KAT6A: variants seen among roughly 807,000 people sequenced by gnomAD.
KAT6A encodes lysine acetyltransferase 6A, also known as histone acetyltransferase KAT6A.
KAT6A carries 9 observed loss-of-function variants against 198.4 expected under a neutral mutation model. That is an observed-to-expected ratio of 0.05 (90% CI 0.03 to 0.08). The LOEUF (loss-of-function observed/expected upper bound fraction) is 0.08, where lower values mean the gene tolerates loss of function less well. Among genes scored for constraint, KAT6A ranks in the 10% least tolerant of loss-of-function variants. The pLI, the probability that KAT6A is intolerant of heterozygous loss-of-function variation, is 1.00. For synonymous variants in KAT6A, 890 were observed against 883.0 expected (o/e 1.01, Z -0.14); for missense variants, 2,077 against 2,509.9 (o/e 0.83, Z 3.69).
At chr8:42,031,132 G>C (rs989038859) in intron 2 of KAT6A, among the ~76,000 whole-genome samples, 6 of 151,586 alleles carry the variant, frequency 4.0e-5, no homozygotes, top group Admixed American at 1.3e-4. Flanking sequence ...ACAGCTCACC[G>C]GCTGCCTCCC....
intron 8 of KAT6A, among the ~76,000 whole-genome samples, chr8:41,964,594 G>A (rs570532521): frequency 2.7e-5 from 4 of 147,414 alleles, no homozygotes; most frequent in East Asian, 2.0e-4. Flanking sequence ...GATGCTCGAC[G>A]GCTAAGCATA....
At chr8:42,015,416 G>A (rs1826225459) in intron 2 of KAT6A, among the ~76,000 whole-genome samples, 1 of 152,194 alleles carries the variant, frequency 6.6e-6, no homozygotes, top group Non-Finnish European at 1.5e-5. Context: ...AGTCTTTCTT[G>A]CCTTAAGTTC....
chr8:42,045,579 C>A (rs9720837), intron 2 of KAT6A, among the ~76,000 whole-genome samples: 4,056 of 138,746 alleles, frequency 0.029, 169 homozygotes, highest in African/African-American at 0.098. Flanking sequence ...AAAAAAAAAA[C>A]AAAAAAACAC....
In KAT6A at chr8:41,932,172, ATATT is replaced by A. The variant is rs971987999; in HGVS notation, c.*29_*32del. 3 of 1,497,026 alleles carry A rather than the reference ATATT, an allele frequency of 2.0e-6. No homozygotes were observed. The highest frequency in any genetic ancestry group is 1.4e-5 in the African/African-American group (1 of 71,534). 92.7% of individuals were successfully genotyped at this position (1,497,026 alleles called of 1,614,324 possible). On this transcript the variant is annotated 3_prime_UTR_variant, in exon 17 of 17. Coordinates refer to ENST00000265713, the MANE Select transcript of KAT6A (RefSeq NM_006766.5). ...GTATAAAAGGTTCCTTTATTTATAT[ATATT>A]TAAGTTTTTGATTGCAAGTTCATCT...
chr8:42,029,982 G>A (rs1226227520), intron 2 of KAT6A, among the ~76,000 whole-genome samples: 1 of 151,974 alleles, frequency 6.6e-6, no homozygotes, highest in Non-Finnish European at 1.5e-5. Context: ...GAATTAATAT[G>A]CTCTGCACTG....
At chr8:41,946,107 T>C (rs1417779727) in intron 12 of KAT6A, among the ~76,000 whole-genome samples, 1 of 152,104 alleles carries the variant, frequency 6.6e-6, no homozygotes, top group Non-Finnish European at 1.5e-5. Context: ...ATTTCCATTT[T>C]TATTTTGAGA....
chr8:41,987,333 A>G, intron 3 of KAT6A, 122 bp downstream of exon 3: 1 of 646,142 alleles, frequency 1.5e-6, no homozygotes, highest in South Asian at 1.8e-5. Flanking sequence ...CTTATCCCCC[A>G]TAATTAAAAG....
intron 12 of KAT6A, among the ~76,000 whole-genome samples, chr8:41,944,799 T>C (rs1244100184): frequency 1.3e-5 from 2 of 152,188 alleles, no homozygotes; most frequent in African/African-American, 4.8e-5. Flanking sequence ...ACATGTCTAA[T>C]CATGAGTCCT....
intron 1 of KAT6A, among the ~76,000 whole-genome samples, chr8:42,050,071 C>T (rs1323933322): frequency 6.6e-6 from 1 of 152,060 alleles, no homozygotes; most frequent in Non-Finnish European, 1.5e-5. Flanking sequence ...GTAATTCAGA[C>T]AGGAAAACTA....
rs1365625475 is a variant in KAT6A, at chr8:41,941,418, G to T, written c.2463C>A (p.Asn821Lys). ...ISVGKSVSHE[N>K]KEQDSYSVES... ...CTACTGAATAAGAATCTTGTTCTTTGTTCTCATGAGACACAGACTTTCCCA... is the reference window on the plus strand; with the variant it reads ...CTACTGAATAAGAATCTTGTTCTTTTTTCTCATGAGACACAGACTTTCCCA... The change falls in exon 15 of 17, where the codon AAC (asparagine) becomes AAA (lysine). Residue 821 changes from asparagine (N) to lysine (K), a missense_variant. By Grantham distance (94) the Asn-to-Lys change is moderately conservative. Around this residue, in one of 13 missense-constraint regions of KAT6A, gnomAD observed 301 missense variants for 272.2 expected, o/e 1.11. Transcript: ENST00000265713. 3.7e-6 allele frequency: 6 copies of T among 1,601,342 alleles called. No individual in the cohort carries two copies. The highest frequency in any genetic ancestry group is 5.1e-6 in the Non-Finnish European group (6 of 1,177,422).
At chr8:42,028,622 T>C (rs898299780) in intron 2 of KAT6A, among the ~76,000 whole-genome samples, 3 of 152,196 alleles carry the variant, frequency 2.0e-5, no homozygotes, top group Non-Finnish European at 4.4e-5. Flanking sequence ...CTATATGTCT[T>C]CATAGGTGAA....
At position 41,932,652 on chromosome 8, in the gene KAT6A, G is replaced by A. The variant is rs201044575; in HGVS notation, c.5568C>T (p.Ser1856=). 27 of 1,614,210 alleles carry A rather than the reference G, an allele frequency of 1.7e-5. 1 individual carries two copies. The East Asian group carries it at 4.9e-4, about 29-fold the overall frequency. The change falls in exon 17 of 17, where the codon TCC becomes TCT. Residue 1856 remains serine, a synonymous_variant. Coordinates refer to ENST00000265713, the MANE Select transcript of KAT6A (RefSeq NM_006766.5). ...GCAGTGGCGCAGACTTGGAGCGGAT[G>A]GAAATGTGCCCCTTCACTGGCATTT... ...QGQMPVKGHI[S]IRSKSAPLPS...
intron 2 of KAT6A, 83 bp from the exon 3 acceptor site, chr8:41,987,646 T>C (rs959338660): frequency 4.7e-6 from 4 of 853,808 alleles, no homozygotes; most frequent in African/African-American, 1.7e-5. Context: ...TAGTTTTAAA[T>C]TCCTACCAGA....
At chr8:42,031,908 G>A (rs1299552759) in intron 2 of KAT6A, among the ~76,000 whole-genome samples, 4 of 151,350 alleles carry the variant, frequency 2.6e-5, no homozygotes, top group Non-Finnish European at 5.9e-5. Context: ...TAGGATTACA[G>A]GCGTGAGCCA....
intron 8 of KAT6A, among the ~76,000 whole-genome samples, chr8:41,958,703 T>C (rs1223584326): frequency 2.0e-5 from 3 of 152,230 alleles, no homozygotes; most frequent in Admixed American, 2.0e-4. Context: ...CTAGTAGGAT[T>C]TGGAGCAGCA....
At chr8:42,009,908 A>C (rs544157257) in intron 2 of KAT6A, among the ~76,000 whole-genome samples, 1,788 of 138,942 alleles carry the variant, frequency 0.013, 27 homozygotes, top group African/African-American at 0.028. Context: ...AAAAAAAAAA[A>C]AAAAAACAAA....
Position 41,947,737 on chromosome 8 carries a change from G to C in KAT6A, c.1902+14C>G. ...CTATATGAGTTCAAACAAACTTTAA[G>C]CTGACATACTTACCTTAGAAAAGTA... On this transcript the variant is annotated intron_variant, in intron 11 of 16. Coordinates refer to ENST00000265713, the MANE Select transcript of KAT6A (RefSeq NM_006766.5). 1 of 1,578,702 alleles carries C rather than the reference G, an allele frequency of 6.3e-7. No individual in the cohort carries two copies. The highest frequency in any genetic ancestry group is 8.6e-7 in the Non-Finnish European group (1 of 1,168,900).
In KAT6A at chr8:41,931,808, A is replaced by C. The variant is rs1396229592; in HGVS notation, c.*397T>G. 6.0e-5 allele frequency: 13 copies of C among 215,134 alleles called. No homozygotes were observed. Among genetic ancestry groups the C allele is most frequent in the Non-Finnish European group, 9.4e-5 (10 of 106,584 alleles). The allele number at this position is 215,134 out of a possible 1,614,324, so 13.3% of individuals were successfully genotyped here. A position where few individuals can be genotyped will look rare whatever the true frequency, so the allele number is the denominator to read the frequency against. ...GAGATGTATATAACATTTAAAAATG[A>C]CAACATTGGGAGCTGCAAACAGTGA... On this transcript the variant is annotated 3_prime_UTR_variant, in exon 17 of 17. Transcript: ENST00000265713.
At chr8:42,008,623 G>C (rs1189594119) in intron 2 of KAT6A, among the ~76,000 whole-genome samples, 2 of 152,056 alleles carry the variant, frequency 1.3e-5, no homozygotes, top group African/African-American at 4.8e-5. Context: ...GGGATTACAG[G>C]CATGAGACAC....
Sources: allele counts gnomAD v4.1 joint callset (sites outside exome capture counted in the v4.1 genomes callset), GRCh38; gene constraint gnomAD v4.1.1; regional missense constraint gnomAD v4.1.1; transcripts MANE v1.5; gene names NCBI Gene and HGNC (gene_info 2026-07-23, HGNC 2026-07-21).